NAV2: variants seen among roughly 807,000 people sequenced by gnomAD.
NAV2 encodes helicase, APC down-regulated 1.
NAV2 carries 54 observed loss-of-function variants against 223.2 expected under a neutral mutation model. The ratio of observed to expected loss-of-function variants is 0.24; its 90% confidence interval spans 0.19 to 0.30. NAV2 has a LOEUF of 0.30. NAV2 is among the 10% of genes least tolerant of loss of function. The probability of loss-of-function intolerance (pLI) is 1.00; values close to 1 mark genes in which losing one functional copy is unlikely to be tolerated. For synonymous variants in NAV2, 1,279 were observed against 1,239.3 expected (o/e 1.03, Z -0.67); for missense variants, 2,806 against 3,147.5 (o/e 0.89, Z 2.60).
At chr11:19,836,103 A>T (rs956988728) in intron 2 of NAV2, among the ~76,000 whole-genome samples, 1 of 152,120 alleles carries the variant, frequency 6.6e-6, no homozygotes, top group Non-Finnish European at 1.5e-5. Flanking sequence ...TTTATTCACT[A>T]CCAGCCTGGG....
intron 6 of NAV2, among the ~76,000 whole-genome samples, chr11:19,907,857 T>C (rs2042999729): frequency 6.6e-6 from 1 of 152,324 alleles, no homozygotes; most frequent in South Asian, 2.1e-4. Flanking sequence ...TCTTAATGCA[T>C]CCAGACCCAC....
chr11:19,730,382 G>C (rs1039015494), intron 1 of NAV2, among the ~76,000 whole-genome samples: 1 of 152,184 alleles, frequency 6.6e-6, no homozygotes, highest in African/African-American at 2.4e-5. Flanking sequence ...CACCCTGGAG[G>C]GGGAGGAAAA....
chr11:19,980,197 G>A (rs1057302779), intron 10 of NAV2, among the ~76,000 whole-genome samples: 3 of 152,156 alleles, frequency 2.0e-5, no homozygotes, highest in African/African-American at 7.2e-5. Flanking sequence ...CAGAGGCTCT[G>A]ACTCTTTCCA....
intron 1 of NAV2, among the ~76,000 whole-genome samples, chr11:19,397,118 G>A (rs1346062983): frequency 1.3e-5 from 2 of 152,178 alleles, no homozygotes; most frequent in Non-Finnish European, 2.9e-5. Flanking sequence ...GCATGGCCGG[G>A]AGAAAACCCA....
chr11:19,578,739 T>C (rs2045634633), intron 1 of NAV2, among the ~76,000 whole-genome samples: 1 of 152,248 alleles, frequency 6.6e-6, no homozygotes, highest in African/African-American at 2.4e-5. Context: ...GGCCATAGCA[T>C]TGATTATACA....
intron 1 of NAV2, among the ~76,000 whole-genome samples, chr11:19,606,314 T>C (rs1024900218): frequency 3.3e-5 from 5 of 152,230 alleles, no homozygotes; most frequent in African/African-American, 1.2e-4. Context: ...GTTGCTTTAT[T>C]TAACCTTCAC....
intron 1 of NAV2, among the ~76,000 whole-genome samples, chr11:19,557,715 C>T (rs16936975): frequency 0.094 from 14,308 of 152,218 alleles, 2,254 homozygotes; most frequent in African/African-American, 0.33. Context: ...GGATCCACAC[C>T]GAACACAGAA....
intron 1 of NAV2, among the ~76,000 whole-genome samples, chr11:19,620,235 C>A (rs1399795890): frequency 1.3e-5 from 2 of 152,058 alleles, no homozygotes; most frequent in African/African-American, 4.8e-5. Flanking sequence ...ATTGACTTGG[C>A]AATGTGGGCT....
intron 36 of NAV2, among the ~76,000 whole-genome samples, chr11:20,110,626 A>G (rs1355118999): frequency 3.3e-5 from 5 of 152,160 alleles, no homozygotes; most frequent in African/African-American, 2.4e-5. Context: ...TATCCTGAGG[A>G]CACCCATCAC....
intron 1 of NAV2, among the ~76,000 whole-genome samples, chr11:19,680,111 G>A (rs1400438736): frequency 6.6e-6 from 1 of 152,188 alleles, no homozygotes; most frequent in Non-Finnish European, 1.5e-5. Flanking sequence ...GCTCCAGAAA[G>A]GGGGCTGGAA....
rs2045048192 is a variant in NAV2, at chr11:19,560,213, AAG to A, written c.75+209189_75+209190del. Among the ~76,000 whole-genome samples, 3 of 152,326 alleles carry A rather than the reference AAG, an allele frequency of 2.0e-5. No homozygotes were observed. In the East Asian group the frequency reaches 5.8e-4, roughly 29 times the overall value. On this transcript the variant is annotated intron_variant, in intron 1 of 37. Transcript: ENST00000360655. ...TTTCTCCACTTAAAAAGAGAAAAAAAAGAGTAAGGATGTGCTTCCTGAGAAAT... is the reference window on the plus strand; with the variant it reads ...TTTCTCCACTTAAAAAGAGAAAAAAAAGTAAGGATGTGCTTCCTGAGAAAT...
intron 1 of NAV2, among the ~76,000 whole-genome samples, chr11:19,630,953 A>G (rs1365672394): frequency 6.6e-6 from 1 of 151,562 alleles, no homozygotes; most frequent in African/African-American, 2.4e-5. Context: ...AAAGAAAAAA[A>G]AAAGAAAGAG....
chr11:19,469,740 C>G (rs74929864), intron 1 of NAV2, among the ~76,000 whole-genome samples: 18 of 152,330 alleles, frequency 1.2e-4, no homozygotes, highest in Middle Eastern at 3.4e-3. Flanking sequence ...ATGATATTTT[C>G]TGGCTATTCT....
intron 29 of NAV2, among the ~76,000 whole-genome samples, chr11:20,094,457 C>T (rs1484831070): frequency 2.6e-5 from 4 of 151,844 alleles, no homozygotes; most frequent in Admixed American, 6.6e-5. Flanking sequence ...CTCAAACTCC[C>T]GACCTTGTGA....
In NAV2 at chr11:19,998,924, G is replaced by GT. The variant is rs1271555079; in HGVS notation, c.2768+14678dup. Among the ~76,000 whole-genome samples the GT allele has an allele frequency of 2.6e-5, 4 of 152,188 alleles. No individual in the cohort carries two copies. Among genetic ancestry groups the GT allele is most frequent in the Admixed American group, 6.5e-5 (1 of 15,276 alleles). ...TTATGTCTTTCCCACTAGACTATCA[G>GT]TATCAATAAGACAGAAACCAGGTCA... On this transcript the variant is annotated intron_variant, in intron 11 of 37. Coordinates refer to ENST00000349880, the MANE Select transcript of NAV2 (RefSeq NM_145117.5). This position sits in a 1 kb window ranked among gnomAD's most constrained non-coding sequence, Gnocchi z 5.0.
chr11:20,106,109 T>C (rs2062008681), intron 35 of NAV2, among the ~76,000 whole-genome samples: 2 of 144,522 alleles, frequency 1.4e-5, no homozygotes, highest in Admixed American at 1.4e-4. Flanking sequence ...TGACATAATT[T>C]TAATTTGAGC....
At chr11:19,378,365 C>T (rs1412854530) in intron 1 of NAV2, among the ~76,000 whole-genome samples, 1 of 152,096 alleles carries the variant, frequency 6.6e-6, no homozygotes, top group Non-Finnish European at 1.5e-5. Context: ...GAGTTTATTC[C>T]TTGGCAACAT....
intron 26 of NAV2, among the ~76,000 whole-genome samples, chr11:20,083,912 A>G (rs2060251015): frequency 6.6e-6 from 1 of 152,222 alleles, no homozygotes; most frequent in Non-Finnish European, 1.5e-5. Context: ...AAGTCCACTT[A>G]ACCAGCCAGC....
At chr11:19,842,394 A>G (rs908643104) in intron 2 of NAV2, among the ~76,000 whole-genome samples, 2 of 152,168 alleles carry the variant, frequency 1.3e-5, no homozygotes, top group Admixed American at 1.3e-4. Flanking sequence ...TGCTTTGGGA[A>G]TAGTTATTAG....
Sources: allele counts gnomAD v4.1 joint callset (sites outside exome capture counted in the v4.1 genomes callset), GRCh38; gene constraint gnomAD v4.1.1; non-coding constraint Gnocchi (gnomAD v3.1); transcripts MANE v1.5; gene names NCBI Gene and HGNC (gene_info 2026-07-23, HGNC 2026-07-21).